Variants in TLE2 observed in about 807,000 individuals in gnomAD.
TLE2 encodes TLE family member 2, transcriptional corepressor.
TLE2 carries 74 observed loss-of-function variants against 97.2 expected under a neutral mutation model. That is an observed-to-expected ratio of 0.76 (90% CI 0.63 to 0.92). TLE2 has a LOEUF of 0.92. Among genes scored for constraint, TLE2 ranks in the 40% least tolerant of loss-of-function variants. The pLI is 0.00. For synonymous variants in TLE2, 499 were observed against 432.1 expected (o/e 1.15, Z -1.92); for missense variants, 1,038 against 1,008.7 (o/e 1.03, Z -0.39).
intron 18 of TLE2, among the ~76,000 whole-genome samples, chr19:3,001,005 T>G (rs1047470127): frequency 6.6e-6 from 1 of 151,850 alleles, no homozygotes; most frequent in African/African-American, 2.4e-5. Flanking sequence ...CCGGGGGCAG[T>G]GGCTAACACC....
At chr19:3,002,088 A>G (rs1034010421) in intron 18 of TLE2, among the ~76,000 whole-genome samples, 2 of 151,948 alleles carry the variant, frequency 1.3e-5, no homozygotes, top group African/African-American at 4.8e-5. Flanking sequence ...GTGAGCTACC[A>G]CACCCAGCCT....
chr19:3,000,784 GGGGGAGGTC>G lies in TLE2; in HGVS notation c.2048-70_2048-62del, dbSNP rs550714164. 146 of 1,330,590 alleles carry G rather than the reference GGGGGAGGTC, an allele frequency of 1.1e-4. No individual in the cohort carries two copies. The East Asian group carries it at 3.5e-3, about 32-fold the overall frequency. 82.4% of individuals were successfully genotyped at this position (1,330,590 alleles called of 1,614,324 possible). A position where few individuals can be genotyped will look rare whatever the true frequency, so the allele number is the denominator to read the frequency against. On this transcript the variant is annotated intron_variant, in intron 18 of 19. Transcript: ENST00000262953. ...GCACTAACGAGAGACCCGGGCTGCA[GGGGGAGGTC>G]GGGGAAGCTGGGTCTGGGTCTGGCC...
chr19:3,028,024 G>A (rs188330462), intron 3 of TLE2, among the ~76,000 whole-genome samples, 151 bp from the exon 4 acceptor site: 30 of 152,168 alleles, frequency 2.0e-4, no homozygotes, highest in African/African-American at 7.2e-4. Flanking sequence ...TCCCAGAGGA[G>A]GAAGCGGGGG....
chr19:3,045,662 T>G, intron 1 of TLE2: 1 of 398,314 alleles, frequency 2.5e-6, no homozygotes, highest in South Asian at 1.7e-5. Context: ...CCCCACCCCG[T>G]CTCTACTAAA....
chr19:3,047,515 C>T (rs986525001), upstream of TLE2: 1 of 151,208 alleles, frequency 6.6e-6, no homozygotes, highest in Non-Finnish European at 1.5e-5. Context: ...GTGACCCCCC[C>T]CCAGGCATCC....
Position 3,008,778 on chromosome 19 carries a change from C to G in TLE2, c.1250+91G>C, listed in dbSNP as rs144436686. The G allele has an allele frequency of 1.6e-3, 1,736 of 1,059,444 alleles. 4 individuals carry two copies. The highest frequency in any genetic ancestry group is 5.9e-3 in the Middle Eastern group (19 of 3,238). The allele number at this position is 1,059,444 out of a possible 1,614,324, so 65.6% of individuals were successfully genotyped here. ...CACAAGAGACTTTCTAGAAGGGAAG[C>G]AGGGAGACCCCAACCACAGAGGGTA... On this transcript the variant is annotated intron_variant, in intron 14 of 19. Transcript: ENST00000262953.
chr19:3,040,248 A>T (rs1289311859), intron 1 of TLE2, among the ~76,000 whole-genome samples: 1 of 152,058 alleles, frequency 6.6e-6, no homozygotes, highest in Non-Finnish European at 1.5e-5. Flanking sequence ...CTGGGCCCCA[A>T]ACTCGCCCAG....
chr19:3,046,662 G>A (rs1262685181), upstream of TLE2, among the ~76,000 whole-genome samples: 1 of 151,782 alleles, frequency 6.6e-6, no homozygotes, highest in Non-Finnish European at 1.5e-5. Flanking sequence ...TGTGTGGATG[G>A]GGGCAATCGA....
chr19:3,001,210 T>C (rs966545482), intron 18 of TLE2, among the ~76,000 whole-genome samples: 4 of 151,554 alleles, frequency 2.6e-5, no homozygotes, highest in Non-Finnish European at 5.9e-5. Flanking sequence ...GACGCAGAGG[T>C]TGCAGTGAGC....
chr19:3,007,291 T>C (rs1339831546), intron 14 of TLE2, among the ~76,000 whole-genome samples: 1 of 152,098 alleles, frequency 6.6e-6, no homozygotes, highest in African/African-American at 2.4e-5. Context: ...GCTTTCACCA[T>C]GTTGCTCAGG....
chr19:3,044,918 G>A (rs1281606887), intron 1 of TLE2, among the ~76,000 whole-genome samples: 1 of 152,058 alleles, frequency 6.6e-6, no homozygotes, highest in Admixed American at 6.6e-5. Flanking sequence ...ATGCTGTGAA[G>A]ATAAAGAATG....
rs543287425 is a variant in TLE2 at position 3,015,878 on chromosome 19, TCCCATCTG to T, written c.571-126_571-119del. 1.6e-4 allele frequency: 119 copies of T among 765,538 alleles called. 2 individuals carry two copies. In the South Asian group the frequency reaches 1.6e-3, roughly 10 times the overall value. 47.4% of individuals were successfully genotyped at this position (765,538 alleles called of 1,614,324 possible). On this transcript the variant is annotated intron_variant, in intron 8 of 19. Coordinates refer to ENST00000262953, the MANE Select transcript of TLE2 (RefSeq NM_003260.5). ...ATTATTAGGGTCCGGACCTCAAGCT[TCCCATCTG>T]GGAAATGGGAGCTTCCAACGGCTGA...
At chr19:2,998,149 C>A (rs1388481792) in intron 19 of TLE2, among the ~76,000 whole-genome samples, 194 bp from the exon 20 acceptor site, 2 of 151,918 alleles carry the variant, frequency 1.3e-5, no homozygotes, top group Non-Finnish European at 2.9e-5. Flanking sequence ...TGGCTCACTG[C>A]AACCTCCACC....
chr19:3,036,341 T>C (rs919890021), intron 1 of TLE2, among the ~76,000 whole-genome samples: 1 of 152,046 alleles, frequency 6.6e-6, no homozygotes, highest in Admixed American at 6.5e-5. Flanking sequence ...CGGCCCGCGC[T>C]CTCCCGCCCG....
At chr19:3,020,099 A>C in intron 5 of TLE2, 4 of 308,730 alleles carry the variant, frequency 1.3e-5, no homozygotes, top group South Asian at 4.3e-5. Context: ...CCTGGCCAAC[A>C]TGGTGAAACA....
At chr19:3,035,289 G>C (rs896696921) in intron 1 of TLE2, among the ~76,000 whole-genome samples, 1 of 152,180 alleles carries the variant, frequency 6.6e-6, no homozygotes, top group African/African-American at 2.4e-5. Flanking sequence ...CATCCGGCCA[G>C]AGCAGGAAGC....
At chr19:3,011,308 A>C in intron 11 of TLE2, 148 bp from the exon 12 acceptor site, 2 of 816,252 alleles carry the variant, frequency 2.5e-6, no homozygotes, top group Non-Finnish European at 3.7e-6. Context: ...CGGGCGGATC[A>C]CCTGAGGTCA....
intron 11 of TLE2, among the ~76,000 whole-genome samples, chr19:3,011,435 G>A (rs2089593820): frequency 6.6e-6 from 1 of 151,886 alleles, no homozygotes; most frequent in Admixed American, 6.6e-5. Flanking sequence ...GGGAGGCTGA[G>A]GCAGGAGAAT....
At chr19:3,035,540 A>T (rs1366820559) in intron 1 of TLE2, among the ~76,000 whole-genome samples, 1 of 151,832 alleles carries the variant, frequency 6.6e-6, no homozygotes, top group Non-Finnish European at 1.5e-5. Context: ...TACGGAAAAA[A>T]AAAAAAGGGA....
Sources: gnomAD v4.1 joint callset for allele counts (sites outside exome capture counted in the v4.1 genomes callset) on GRCh38, gnomAD v4.1.1 for gene constraint, MANE v1.5 for transcripts, NCBI Gene and HGNC (gene_info 2026-07-23, HGNC 2026-07-21) for gene names.